Variants in BABAM2 observed in about 807,000 individuals in gnomAD.
The protein encoded by BABAM2 is BRISC and BRCA1 A complex member 2, also known as BRISC and BRCA1-A complex member 2.
A neutral mutation model predicts 54.7 loss-of-function variants in BABAM2; 31 were observed. That is an observed-to-expected ratio of 0.57 (90% confidence interval 0.43 to 0.77). The LOEUF is 0.77. Among genes scored for constraint, BABAM2 ranks in the 30% least tolerant of loss-of-function variants. The pLI is 0.00. For missense variants in BABAM2, 364 were observed against 455.8 expected (o/e 0.80, Z 1.83); for synonymous variants, 167 against 162.9 (o/e 1.03, Z -0.19).
intron 3 of BABAM2, among the ~76,000 whole-genome samples, chr2:27,987,623 T>C (rs182486737): frequency 2.8e-4 from 42 of 152,160 alleles, no homozygotes; most frequent in African/African-American, 9.9e-4. Flanking sequence ...GAGACCAGCC[T>C]GCACAACATG....
At chr2:27,999,454 G>C (rs1673415110) in intron 4 of BABAM2, among the ~76,000 whole-genome samples, 1 of 152,186 alleles carries the variant, frequency 6.6e-6, no homozygotes, top group African/African-American at 2.4e-5. Flanking sequence ...GCTTGGAGTA[G>C]TTTGCATAGG....
chr2:28,216,965 TCC>T (rs1413959353), intron 7 of BABAM2, among the ~76,000 whole-genome samples: 6 of 152,194 alleles, frequency 3.9e-5, no homozygotes, highest in Non-Finnish European at 8.8e-5. Flanking sequence ...AGGTCATTTC[TCC>T]ACCTCTTTAC....
chr2:28,061,601 A>G (rs1029160088), intron 6 of BABAM2, among the ~76,000 whole-genome samples: 1 of 150,888 alleles, frequency 6.6e-6, no homozygotes, highest in Non-Finnish European at 1.5e-5. Context: ...AAAAAAAAAA[A>G]AAGAGAAAAG....
chr2:28,331,602 C>G (rs1459907068), intron 11 of BABAM2, among the ~76,000 whole-genome samples: 7 of 152,140 alleles, frequency 4.6e-5, no homozygotes, highest in Admixed American at 6.5e-5. Flanking sequence ...AAACCCAAAT[C>G]AAAACCACAA....
chr2:28,018,284 T>G (rs189065955), intron 4 of BABAM2, among the ~76,000 whole-genome samples: 19 of 152,346 alleles, frequency 1.2e-4, no homozygotes, highest in African/African-American at 4.1e-4. Context: ...CCTGAGTTAC[T>G]TCACTTAGAA....
intron 5 of BABAM2, among the ~76,000 whole-genome samples, chr2:28,031,895 A>G (rs1337398588): frequency 6.6e-6 from 1 of 152,242 alleles, no homozygotes; most frequent in Non-Finnish European, 1.5e-5. Flanking sequence ...GCATATATTC[A>G]ACTGGCTTAC....
intron 7 of BABAM2, among the ~76,000 whole-genome samples, chr2:28,168,935 G>T (rs994493507): frequency 6.6e-6 from 1 of 152,140 alleles, no homozygotes; most frequent in Non-Finnish European, 1.5e-5. Flanking sequence ...GCTGAGTCCT[G>T]CTACTTATTC....
At chr2:28,122,987 C>T (rs999528062) in intron 6 of BABAM2, among the ~76,000 whole-genome samples, 1 of 152,116 alleles carries the variant, frequency 6.6e-6, no homozygotes, top group African/African-American at 2.4e-5. Context: ...TGAGAATCTT[C>T]CCTATTGAAA....
chr2:27,907,864 AAGGCTAGAT>A (rs1666296914), intron 2 of BABAM2, among the ~76,000 whole-genome samples: 1 of 152,172 alleles, frequency 6.6e-6, no homozygotes, highest in Non-Finnish European at 1.5e-5. Context: ...TTTACTTTTA[AAGGCTAGAT>A]AGTATTTCAA....
intron 11 of BABAM2, among the ~76,000 whole-genome samples, chr2:28,320,149 C>T (rs554039070): frequency 6.6e-4 from 101 of 152,340 alleles, no homozygotes; most frequent in Non-Finnish European, 1.2e-3. Context: ...TTTAATTCTG[C>T]ATCTATCAGC....
At chr2:27,913,671 A>G (rs1202930759) in intron 2 of BABAM2, among the ~76,000 whole-genome samples, 3 of 151,966 alleles carry the variant, frequency 2.0e-5, no homozygotes, top group Non-Finnish European at 2.9e-5. Flanking sequence ...TAAAATGCAC[A>G]TAAAATCTAC....
intron 4 of BABAM2, among the ~76,000 whole-genome samples, chr2:28,013,732 T>C (rs868420116): frequency 1.7e-4 from 17 of 98,064 alleles, no homozygotes; most frequent in African/African-American, 5.0e-4. Context: ...CACACACACG[T>C]GTGTGTGTGT....
At chr2:28,185,628 T>G (rs551292372) in intron 7 of BABAM2, among the ~76,000 whole-genome samples, 5 of 152,332 alleles carry the variant, frequency 3.3e-5, no homozygotes, top group Admixed American at 3.3e-4. Flanking sequence ...GCATGAGATC[T>G]TAATTATCAT....
chr2:28,328,730 A>G (rs900262470), intron 11 of BABAM2, among the ~76,000 whole-genome samples: 1 of 152,146 alleles, frequency 6.6e-6, no homozygotes, highest in African/African-American at 2.4e-5. Context: ...ATTGGCAGGT[A>G]TCTTAACTAA....
chr2:28,074,680 C>G (rs2148663349), intron 6 of BABAM2, among the ~76,000 whole-genome samples: 1 of 151,756 alleles, frequency 6.6e-6, no homozygotes, highest in African/African-American at 2.4e-5. Flanking sequence ...TATCTTTTTT[C>G]TTTACTGACC....
chr2:28,234,637 G>T (rs557965017), intron 7 of BABAM2, among the ~76,000 whole-genome samples: 10 of 152,300 alleles, frequency 6.6e-5, no homozygotes, highest in Middle Eastern at 3.4e-3. Flanking sequence ...GTTTCTCTAA[G>T]TGAGCGATGA....
intron 10 of BABAM2, among the ~76,000 whole-genome samples, chr2:28,272,313 G>A (rs1422635644): frequency 2.0e-5 from 3 of 152,182 alleles, no homozygotes. Context: ...TAGAAATGTG[G>A]TTGCTGGGTG....
At chr2:27,892,782 T>C (rs1173470640) in intron 1 of BABAM2, among the ~76,000 whole-genome samples, 1 of 152,210 alleles carries the variant, frequency 6.6e-6, no homozygotes, top group Admixed American at 6.5e-5. Context: ...TGTTAGATGT[T>C]TAGTCTTACT....
intron 6 of BABAM2, among the ~76,000 whole-genome samples, chr2:28,082,121 C>T (rs1021913398): frequency 2.7e-4 from 41 of 151,356 alleles, no homozygotes; most frequent in Non-Finnish European, 4.6e-4. Context: ...GGAAAAAAAA[C>T]AACCATGCAC....
Sources: allele counts gnomAD v4.1 joint callset (sites outside exome capture counted in the v4.1 genomes callset), GRCh38; gene constraint gnomAD v4.1.1; transcripts MANE v1.5; gene names NCBI Gene and HGNC (gene_info 2026-07-23, HGNC 2026-07-21).